GRID2: variants seen among roughly 807,000 people sequenced by gnomAD.
GRID2 encodes the protein glutamate receptor ionotropic, delta-2.
Under a neutral mutation model 114.8 loss-of-function variants are expected in GRID2, and 33 were observed. The observed-to-expected ratio is 0.29, with a 90% CI of 0.22 to 0.38. The LOEUF (loss-of-function observed/expected upper bound fraction) is 0.38. Ranked by LOEUF, GRID2 falls within the 10% of genes least tolerant of loss-of-function variation. The probability of loss-of-function intolerance (pLI) is 1.00; values close to 1 mark genes in which losing one functional copy is unlikely to be tolerated. For synonymous variants in GRID2, 505 were observed against 449.9 expected (o/e 1.12, Z -1.55); for missense variants, 1,184 against 1,257.7 (o/e 0.94, Z 0.89).
chr4:93,472,943 A>G lies in GRID2; in HGVS notation c.1858+16969A>G, dbSNP rs562052383. 3.9e-5 allele frequency among the ~76,000 whole-genome samples: 6 copies of G among 152,290 alleles called. No individual in the cohort carries two copies. The South Asian group carries it at 1.0e-3, about 26-fold the overall frequency. ...CAGAAGAAGGAATAGAAAAGAGAGA[A>G]TAAACCAGAAACCCACACGACAGGG... is the stretch of plus-strand genomic sequence containing the variant. On this transcript the variant is annotated intron_variant, in intron 11 of 15. Coordinates refer to ENST00000282020, the MANE Select transcript of GRID2 (RefSeq NM_001510.4).
At chr4:93,646,759 T>C (rs986169742) in intron 14 of GRID2, among the ~76,000 whole-genome samples, 12 of 152,118 alleles carry the variant, frequency 7.9e-5, no homozygotes, top group Non-Finnish European at 1.8e-4. Flanking sequence ...AAGTGGCAGC[T>C]ACAGGTCTCT....
At chr4:92,986,802 T>C (rs753415537) in intron 2 of GRID2, among the ~76,000 whole-genome samples, 3 of 152,218 alleles carry the variant, frequency 2.0e-5, no homozygotes, top group Admixed American at 6.5e-5. Context: ...TAAGTTCTTA[T>C]GTTCTGAAGA....
At chr4:93,740,424 C>T (rs750340354) in intron 14 of GRID2, among the ~76,000 whole-genome samples, 5 of 152,184 alleles carry the variant, frequency 3.3e-5, no homozygotes, top group Non-Finnish European at 7.3e-5. Context: ...CTGACTTACC[C>T]ATCTTCTACA....
chr4:93,801,985 GC>G (rs1260876294), intron 1 of GRID2, among the ~76,000 whole-genome samples: 3 of 152,178 alleles, frequency 2.0e-5, no homozygotes, highest in African/African-American at 4.8e-5. Context: ...CTGCATGTGT[GC>G]CCCCTCCTAC....
At chr4:92,443,777 C>T (rs556284889) in intron 1 of GRID2, among the ~76,000 whole-genome samples, 1 of 152,126 alleles carries the variant, frequency 6.6e-6, no homozygotes, top group Non-Finnish European at 1.5e-5. Context: ...GGTGAAGGAC[C>T]AAGGCAGGCG....
At chr4:92,918,636 T>C (rs534521700) in intron 2 of GRID2, among the ~76,000 whole-genome samples, 32 of 152,322 alleles carry the variant, frequency 2.1e-4, no homozygotes, top group Admixed American at 7.2e-4. Flanking sequence ...TGGTTCTGCT[T>C]ATATGCTGGA....
chr4:92,905,537 G>T (rs1167010345), intron 2 of GRID2, among the ~76,000 whole-genome samples: 2 of 151,950 alleles, frequency 1.3e-5, no homozygotes, highest in East Asian at 3.8e-4. Context: ...AAATGTTCTG[G>T]AAGTGTTCAT....
intron 1 of GRID2, among the ~76,000 whole-genome samples, chr4:92,532,420 C>T (rs756306429): frequency 2.0e-5 from 3 of 152,102 alleles, no homozygotes; most frequent in East Asian, 1.9e-4. Context: ...TTCTCCTTGT[C>T]GGGGATTTAC....
chr4:93,270,253 C>T (rs1751303502), intron 8 of GRID2, among the ~76,000 whole-genome samples: 1 of 143,808 alleles, frequency 7.0e-6, no homozygotes, highest in African/African-American at 2.8e-5. Context: ...CACACACACA[C>T]ACACACGAGG....
chr4:92,424,041 A>G (rs376598905), intron 1 of GRID2, among the ~76,000 whole-genome samples: 19 of 152,250 alleles, frequency 1.2e-4, no homozygotes, highest in African/African-American at 4.1e-4. Flanking sequence ...ATGATATTAC[A>G]TAGTATGGCA....
At chr4:92,878,909 T>C (rs1745808898) in intron 2 of GRID2, among the ~76,000 whole-genome samples, 1 of 152,058 alleles carries the variant, frequency 6.6e-6, no homozygotes, top group East Asian at 1.9e-4. Context: ...TACAAACCCG[T>C]GAGGCTATCT....
Position 93,215,431 on chromosome 4 carries a change from G to A in GRID2, c.790-1307G>A, listed in dbSNP as rs114608164. On this transcript the variant is annotated intron_variant, in intron 5 of 15. Transcript: ENST00000282020. ...CTTCAAATGGAGTTGACAGGATACC[G>A]TTTAATCCTACTTTGTGAGTAGATT... is the stretch of plus-strand genomic sequence containing the variant. Among the ~76,000 whole-genome samples, 1,331 of 152,046 alleles carry A rather than the reference G, an allele frequency of 8.8e-3. 20 individuals carry two copies. Among genetic ancestry groups the A allele is most frequent in the African/African-American group, 0.03 (1,262 of 41,496 alleles).
At chr4:92,627,107 T>C (rs1372315150) in intron 2 of GRID2, among the ~76,000 whole-genome samples, 2 of 151,914 alleles carry the variant, frequency 1.3e-5, no homozygotes, top group African/African-American at 4.8e-5. Flanking sequence ...GAATCAACAA[T>C]AGAGCATTAA....
At chr4:93,775,344 C>T (rs1254959484), downstream of GRID2, among the ~76,000 whole-genome samples, 2 of 152,122 alleles carry the variant, frequency 1.3e-5, no homozygotes, top group African/African-American at 4.8e-5. Context: ...TTTTTTAAAA[C>T]TCTGCCACCC....
intron 4 of GRID2, among the ~76,000 whole-genome samples, chr4:93,132,780 A>G (rs2149377212): frequency 6.6e-6 from 1 of 152,278 alleles, no homozygotes; most frequent in African/African-American, 2.4e-5. Flanking sequence ...TTGGCTAAGA[A>G]TTCACACAGA....
At chr4:93,029,269 CTG>C (rs1191450165) in intron 2 of GRID2, among the ~76,000 whole-genome samples, 1 of 151,998 alleles carries the variant, frequency 6.6e-6, no homozygotes, top group East Asian at 1.9e-4. Context: ...CAAAAAAAAT[CTG>C]TAATAAAACC....
intron 14 of GRID2, among the ~76,000 whole-genome samples, chr4:93,741,618 A>T (rs1003268471): frequency 6.6e-5 from 10 of 152,148 alleles, no homozygotes; most frequent in African/African-American, 2.4e-4. Flanking sequence ...CAGTTTTATG[A>T]TCTTTTTGAT....
At chr4:93,074,792 C>T (rs977007642) in intron 2 of GRID2, among the ~76,000 whole-genome samples, 5 of 152,134 alleles carry the variant, frequency 3.3e-5, no homozygotes, top group East Asian at 1.9e-4. Flanking sequence ...TTATCAGTAT[C>T]GTATAAAGAG....
chr4:92,596,972 C>A (rs1728984884), intron 2 of GRID2, among the ~76,000 whole-genome samples: 1 of 152,136 alleles, frequency 6.6e-6, no homozygotes, highest in South Asian at 2.1e-4. Flanking sequence ...TCCCCTCTAC[C>A]TTTAACTTGA....
Sources: gnomAD v4.1 joint callset for allele counts (sites outside exome capture counted in the v4.1 genomes callset) on GRCh38, gnomAD v4.1.1 for gene constraint, MANE v1.5 for transcripts, NCBI Gene and HGNC (gene_info 2026-07-23, HGNC 2026-07-21) for gene names.